SPAG16: variants seen among roughly 807,000 people sequenced by gnomAD.
SPAG16 encodes sperm associated antigen 16.
SPAG16 carries 86 observed loss-of-function variants against 80.4 expected under a neutral mutation model. The observed-to-expected ratio is 1.07, with a 90% CI of 0.90 to 1.28. The LOEUF (loss-of-function observed/expected upper bound fraction) is 1.28, where lower values mean the gene tolerates loss of function less well. Among genes scored for constraint, SPAG16 ranks in the 50% most tolerant of loss-of-function variants. The pLI, the probability that SPAG16 is intolerant of heterozygous loss-of-function variation, is 0.00. For missense variants in SPAG16, 870 were observed against 765.3 expected, an observed-to-expected ratio of 1.14 and a Z score of -1.61; for synonymous variants, 294 against 265.9, an observed-to-expected ratio of 1.11 and a Z score of -1.03.
chr2:214,244,533 T>C (rs988800251), intron 15 of SPAG16, among the ~76,000 whole-genome samples: 1 of 151,874 alleles, frequency 6.6e-6, no homozygotes, highest in Non-Finnish European at 1.5e-5. Flanking sequence ...TTTAATATGA[T>C]AAAAAACAAA....
At chr2:214,201,696 C>T (rs2058013727) in intron 15 of SPAG16, among the ~76,000 whole-genome samples, 1 of 152,174 alleles carries the variant, frequency 6.6e-6, no homozygotes, top group Non-Finnish European at 1.5e-5. Flanking sequence ...ATTGGCATAA[C>T]ACCAACCAAA....
intron 10 of SPAG16, chr2:213,758,062 G>C (rs896853716): frequency 6.6e-6 from 1 of 151,596 alleles, no homozygotes; most frequent in East Asian, 2.0e-4. Flanking sequence ...AAATGACTAA[G>C]TTACTAAGTG....
chr2:213,629,068 G>T (rs10932490), intron 10 of SPAG16, among the ~76,000 whole-genome samples: 49,436 of 152,066 alleles, frequency 0.33, 8,474 homozygotes, highest in Middle Eastern at 0.49. Context: ...AACTTTTTCA[G>T]AGGAAGAAAC....
intron 11 of SPAG16, among the ~76,000 whole-genome samples, chr2:213,927,981 G>A (rs755117384): frequency 1.3e-5 from 2 of 152,154 alleles, no homozygotes; most frequent in Non-Finnish European, 2.9e-5. Flanking sequence ...AAACATATGT[G>A]CAAACCAACT....
chr2:213,843,015 C>G (rs900816413), intron 10 of SPAG16, among the ~76,000 whole-genome samples: 1 of 152,108 alleles, frequency 6.6e-6, no homozygotes, highest in Non-Finnish European at 1.5e-5. Flanking sequence ...AATGATCCTC[C>G]CACTTTGGCT....
At chr2:213,833,476 A>ATATATTAT (rs1475446669) in intron 10 of SPAG16, among the ~76,000 whole-genome samples, 1 of 5,020 alleles carries the variant, frequency 2.0e-4, no homozygotes, top group African/African-American at 4.2e-4. Flanking sequence ...TATATATAAT[A>ATATATTAT]ATATATATAT....
intron 13 of SPAG16, among the ~76,000 whole-genome samples, chr2:214,035,184 C>A (rs1053137438): frequency 6.6e-6 from 1 of 152,102 alleles, no homozygotes; most frequent in East Asian, 1.9e-4. Flanking sequence ...CTGGCTGAGT[C>A]TGGGGCTTTT....
intron 13 of SPAG16, among the ~76,000 whole-genome samples, chr2:214,107,152 A>T (rs1241457563): frequency 6.6e-6 from 1 of 152,030 alleles, no homozygotes; most frequent in Non-Finnish European, 1.5e-5. Context: ...TACTATTACT[A>T]ACCCTGCCTG....
chr2:214,031,520 C>T (rs1351826188), intron 13 of SPAG16, among the ~76,000 whole-genome samples: 1 of 140,538 alleles, frequency 7.1e-6, no homozygotes, highest in Non-Finnish European at 1.5e-5. Flanking sequence ...GGGTGCAGCA[C>T]ACCAGCATGG....
At chr2:214,028,756 T>G (rs7558420) in intron 13 of SPAG16, among the ~76,000 whole-genome samples, 147,934 of 152,080 alleles carry the variant, frequency 0.97, 72,087 homozygotes, top group East Asian at 1. Flanking sequence ...TCATTTTTGT[T>G]AAAAATGTAT....
intron 9 of SPAG16, among the ~76,000 whole-genome samples, chr2:213,416,545 TG>T (rs150644474): frequency 0.19 from 28,623 of 148,014 alleles, 3,578 homozygotes; most frequent in Non-Finnish European, 0.29. Context: ...TTACTTGACT[TG>T]TTTTTTCTTT....
rs377638974 is a variant in SPAG16 at position 213,869,146 on chromosome 2, G to A, written c.1214+6518G>A. Among the ~76,000 whole-genome samples the A allele has an allele frequency of 2.5e-4, 38 of 150,604 alleles. No individual in the cohort carries two copies. The East Asian group carries it at 5.1e-3, about 20-fold the overall frequency. On this transcript the variant is annotated intron_variant, in intron 11 of 15. Transcript: ENST00000331683. Reference sequence around the variant, plus strand: ...CAGGCACCTGTAATCCCAGCTACTCGGGAGGCTGAGACAGGAGAATCACTT... The same window carrying A: ...CAGGCACCTGTAATCCCAGCTACTCAGGAGGCTGAGACAGGAGAATCACTT...
chr2:214,059,220 G>GTATATATA (rs1275941428), intron 13 of SPAG16, among the ~76,000 whole-genome samples: 21 of 73,808 alleles, frequency 2.8e-4, no homozygotes, highest in Middle Eastern at 7.4e-3. Context: ...ATATATGTAT[G>GTATATATA]TGTATATATA....
chr2:213,789,770 T>C (rs1248365985), intron 10 of SPAG16, among the ~76,000 whole-genome samples: 1 of 151,958 alleles, frequency 6.6e-6, no homozygotes, highest in Admixed American at 6.6e-5. Context: ...TCAACTAAAA[T>C]TGAATGTATC....
At chr2:214,022,617 C>T (rs1322757221) in intron 13 of SPAG16, among the ~76,000 whole-genome samples, 1 of 151,890 alleles carries the variant, frequency 6.6e-6, no homozygotes, top group Non-Finnish European at 1.5e-5. Flanking sequence ...GAGCTTTCTT[C>T]TCTATTTTCA....
chr2:213,594,826 T>C (rs1021946072), intron 10 of SPAG16, among the ~76,000 whole-genome samples: 2 of 152,202 alleles, frequency 1.3e-5, no homozygotes, highest in Non-Finnish European at 1.5e-5. Flanking sequence ...CTTGAACATA[T>C]GTTCTTTTAA....
intron 10 of SPAG16, among the ~76,000 whole-genome samples, chr2:213,839,343 T>C (rs1030523021): frequency 6.6e-6 from 1 of 152,228 alleles, no homozygotes; most frequent in Non-Finnish European, 1.5e-5. Flanking sequence ...AATGAAGTTA[T>C]TAAAAATGTA....
chr2:213,689,112 A>T (rs2064823101), intron 10 of SPAG16, among the ~76,000 whole-genome samples: 1 of 152,146 alleles, frequency 6.6e-6, no homozygotes, highest in Non-Finnish European at 1.5e-5. Flanking sequence ...GGCTCCTGCC[A>T]CGGTGCCTGG....
intron 14 of SPAG16, 44 bp from the exon 15 acceptor site, chr2:214,149,096 T>TATATATATATACAC (rs3043764): frequency 2.7e-6 from 2 of 748,700 alleles, no homozygotes; most frequent in African/African-American, 3.8e-5. Context: ...TATATATATA[T>TATATATATATACAC]ACATACATAC....
Sources: gnomAD v4.1 joint callset for allele counts (sites outside exome capture counted in the v4.1 genomes callset) on GRCh38, gnomAD v4.1.1 for gene constraint, MANE v1.5 for transcripts, NCBI Gene and HGNC (gene_info 2026-07-23, HGNC 2026-07-21) for gene names.